BFSP1: variants seen among roughly 807,000 people sequenced by gnomAD.
The protein encoded by BFSP1 is beaded filament structural protein 1.
In BFSP1, 38 loss-of-function variants were observed where a neutral mutation model predicts 43.9. That is an observed-to-expected ratio of 0.87 (90% CI 0.67 to 1.14). The LOEUF is 1.14. BFSP1 is among the 50% of genes most tolerant of loss of function. BFSP1 has a pLI of 0.00. For synonymous variants in BFSP1, 352 were observed against 354.8 expected (o/e 0.99, Z 0.09); for missense variants, 850 against 875.1 (o/e 0.97, Z 0.36).
At chr20:17,501,151 T>C (rs2033789215) in intron 5 of BFSP1, among the ~76,000 whole-genome samples, 1 of 152,218 alleles carries the variant, frequency 6.6e-6, no homozygotes, top group Non-Finnish European at 1.5e-5. Context: ...CATCCAGACC[T>C]AAATGTACCT....
In BFSP1 at chr20:17,531,027, G is replaced by A; in HGVS notation, c.303C>T (p.Asp101=). The change falls in exon 1 of 8, where the codon GAC becomes GAT. Residue 101 remains aspartate (D), a synonymous_variant. Coordinates refer to ENST00000377873, the MANE Select transcript of BFSP1 (RefSeq NM_001195.5). ...QVESNRQRVR[D]LEAERARLER... ...CCAGCCGGGCGCGCTCGGCCTCCAG[G>A]TCCCGGACGCGCTGGCGGTTGCTCT... The A allele has an allele frequency of 5.6e-6, 8 of 1,424,662 alleles. No homozygotes were observed. Among genetic ancestry groups the A allele is most frequent in the Non-Finnish European group, 7.3e-6 (8 of 1,093,038 alleles). The allele number at this position is 1,424,662 out of a possible 1,614,324, so 88.3% of individuals were successfully genotyped here. A position where few individuals can be genotyped will look rare whatever the true frequency, so the allele number is the denominator to read the frequency against.
intron 1 of BFSP1, among the ~76,000 whole-genome samples, chr20:17,529,287 G>A (rs2034484851): frequency 6.6e-6 from 1 of 152,188 alleles, no homozygotes; most frequent in Non-Finnish European, 1.5e-5. Context: ...TGTTGGCCAG[G>A]CTGGTCTGGA....
chr20:17,528,437 A>G (rs1481786768), intron 1 of BFSP1, among the ~76,000 whole-genome samples: 2 of 152,208 alleles, frequency 1.3e-5, no homozygotes, highest in African/African-American at 4.8e-5. Flanking sequence ...CACAAAGGCC[A>G]TCCAGGGAAT....
chr20:17,515,008 G>A lies in BFSP1; in HGVS notation c.439-192C>T, dbSNP rs143436349. On this transcript the variant is annotated intron_variant, in intron 2 of 7. Coordinates refer to ENST00000377873, the MANE Select transcript of BFSP1 (RefSeq NM_001195.5). ...TTAGCCCATTGGACCTGTTCTAGAA[G>A]AGCAGTTCTCAACAGAGGGTGATTT... Among the ~76,000 whole-genome samples, 532 of 152,326 alleles carry A rather than the reference G, an allele frequency of 3.5e-3. 6 individuals carry two copies. Among genetic ancestry groups the A allele is most frequent in the African/African-American group, 0.012 (508 of 41,578 alleles).
At chr20:17,511,885 C>T in intron 4 of BFSP1, 91 bp downstream of exon 4, 1 of 1,184,556 alleles carries the variant, frequency 8.4e-7, no homozygotes, top group East Asian at 2.4e-5. Context: ...GGTGGCCGCC[C>T]TCACAGTCCA....
At chr20:17,511,520 C>T (rs1600648155) in intron 4 of BFSP1, among the ~76,000 whole-genome samples, 1 of 152,128 alleles carries the variant, frequency 6.6e-6, no homozygotes. Context: ...AAAGGATGCT[C>T]GGCTTCCTTA....
intron 1 of BFSP1, among the ~76,000 whole-genome samples, chr20:17,568,983 C>T (rs2035156194): frequency 1.3e-5 from 2 of 152,158 alleles, no homozygotes; most frequent in Admixed American, 1.3e-4. Context: ...CCTCTGAAAA[C>T]CGTGTTTCCG....
intron 5 of BFSP1, among the ~76,000 whole-genome samples, chr20:17,508,629 A>C (rs1257216179): frequency 6.6e-6 from 1 of 152,186 alleles, no homozygotes; most frequent in African/African-American, 2.4e-5. Flanking sequence ...AAGGAGTCCC[A>C]AGGGGCACCT....
At chr20:17,528,315 C>T (rs748864961) in intron 1 of BFSP1, among the ~76,000 whole-genome samples, 20 of 152,196 alleles carry the variant, frequency 1.3e-4, no homozygotes, top group Non-Finnish European at 8.8e-5. Flanking sequence ...TAACTCAGAA[C>T]CAAGTGCAAT....
rs372265179 is a variant in BFSP1, at chr20:17,558,582, C to T, written c.2+106G>A. The T allele has an allele frequency of 2.7e-5, 34 of 1,267,812 alleles. No individual in the cohort carries two copies. In the African/African-American group the frequency reaches 3.8e-4, roughly 14 times the overall value. The allele number at this position is 1,267,812 out of a possible 1,614,324, so 78.5% of individuals were successfully genotyped here. On this transcript the variant is annotated intron_variant, in intron 1 of 7. Transcript: ENST00000377868. ...TGAGTCATAAAACAAATGTGCAACC[C>T]GCTTGCTGTACCTTCTACGGGAGTT... is the stretch of plus-strand genomic sequence containing the variant.
intron 1 of BFSP1, 95 bp downstream of exon 1, chr20:17,530,858 C>A: frequency 8.0e-7 from 1 of 1,257,078 alleles, no homozygotes. Flanking sequence ...CCAGAGACGG[C>A]GCTCCACCCC....
rs143126210 is a variant in BFSP1 at position 17,494,369 on chromosome 20, T to C, written c.1703A>G (p.Glu568Gly). The C allele has an allele frequency of 4.3e-6, 7 of 1,614,106 alleles. No individual in the cohort carries two copies. In the African/African-American group the frequency reaches 6.7e-5, roughly 15 times the overall value. ...GACCATGGCACAGGGTCTCCTGGACTCTTCGTCCCGCTCCTCACCCTCACG... is the reference window on the plus strand; with the variant it reads ...GACCATGGCACAGGGTCTCCTGGACCCTTCGTCCCGCTCCTCACCCTCACG... The part of the protein sequence containing the change: ...EKREGEERDE[E>G]SRRPCAMVTP... Residue 568 changes from glutamate (E) to glycine (G), a missense_variant, in exon 8 of 8, where the codon GAG becomes GGG. Transcript: ENST00000377873.
chr20:17,527,866 T>A (rs2034455903), intron 1 of BFSP1, among the ~76,000 whole-genome samples: 1 of 152,264 alleles, frequency 6.6e-6, no homozygotes, highest in African/African-American at 2.4e-5. Flanking sequence ...AAATTATTTT[T>A]AGTTTTCAAC....
At chr20:17,538,751 G>T (rs1221246258) in intron 1 of BFSP1, among the ~76,000 whole-genome samples, 1 of 152,194 alleles carries the variant, frequency 6.6e-6, no homozygotes, top group Non-Finnish European at 1.5e-5. Flanking sequence ...ATGAGTCATT[G>T]TCCCAGCAGG....
chr20:17,516,077 C>A (rs933425018), intron 2 of BFSP1, among the ~76,000 whole-genome samples: 10 of 152,094 alleles, frequency 6.6e-5, no homozygotes. Flanking sequence ...ACCTGTAGTC[C>A]CAGCACTTTG....
upstream of BFSP1, among the ~76,000 whole-genome samples, chr20:17,561,580 T>C (rs367730812): frequency 2.9e-4 from 44 of 152,120 alleles, no homozygotes; most frequent in African/African-American, 9.4e-4. Flanking sequence ...TAGTGCTGAA[T>C]GAATGAATAA....
At chr20:17,502,420 C>T (rs2123465606) in intron 5 of BFSP1, among the ~76,000 whole-genome samples, 1 of 152,306 alleles carries the variant, frequency 6.6e-6, no homozygotes, top group East Asian at 1.9e-4. Context: ...TCCAAAGCAT[C>T]ACGGTCATGG....
chr20:17,556,229 G>A (rs2034987973), intron 1 of BFSP1, among the ~76,000 whole-genome samples: 1 of 152,150 alleles, frequency 6.6e-6, no homozygotes, highest in South Asian at 2.1e-4. Context: ...TCAGCCGGGT[G>A]CAGTGGCTCG....
intron 1 of BFSP1, among the ~76,000 whole-genome samples, chr20:17,543,562 GA>G (rs970091065): frequency 1.3e-5 from 2 of 148,562 alleles, no homozygotes; most frequent in African/African-American, 4.9e-5. Context: ...CATGTGGCTA[GA>G]AAAAAAAAAC....
Sources: allele counts gnomAD v4.1 joint callset (sites outside exome capture counted in the v4.1 genomes callset), GRCh38; gene constraint gnomAD v4.1.1; transcripts MANE v1.5; gene names NCBI Gene and HGNC (gene_info 2026-07-23, HGNC 2026-07-21).